SNTG2: variants seen among roughly 807,000 people sequenced by gnomAD.
The protein encoded by SNTG2 is gamma-2-syntrophin.
Under a neutral mutation model 70.9 loss-of-function variants are expected in SNTG2, and 74 were observed. The observed-to-expected ratio is 1.04, with a 90% CI of 0.86 to 1.27. The LOEUF (loss-of-function observed/expected upper bound fraction) is 1.27, where lower values mean the gene tolerates loss of function less well. SNTG2 is among the 50% of genes most tolerant of loss of function. The probability of loss-of-function intolerance (pLI) is 0.00; values close to 1 mark genes in which losing one functional copy is unlikely to be tolerated. For synonymous variants in SNTG2, 278 were observed against 273.8 expected (o/e 1.02, Z -0.15); for missense variants, 717 against 690.7 (o/e 1.04, Z -0.43).
Position 1,245,904 on chromosome 2 carries a change from C to T in SNTG2, c.889-1423C>T, listed in dbSNP as rs184678773. Among the ~76,000 whole-genome samples the T allele has an allele frequency of 5.9e-5, 9 of 152,208 alleles. No individual in the cohort carries two copies. The East Asian group carries it at 1.5e-3, about 26-fold the overall frequency. On this transcript the variant is annotated intron_variant, in intron 11 of 16. Transcript: ENST00000308624. ...TAATTCTCACGTGAGATCTAGAATT[C>T]TACCCGTTTCATGATGGAAAAAGAG...
intron 1 of SNTG2, among the ~76,000 whole-genome samples, chr2:1,011,972 A>T (rs1558309405): frequency 6.6e-6 from 1 of 152,258 alleles, no homozygotes; most frequent in South Asian, 2.1e-4. Context: ...GAAACCGAAT[A>T]TAGACAAAGA....
chr2:1,301,992 C>T (rs1170948717), intron 14 of SNTG2, among the ~76,000 whole-genome samples: 6 of 151,460 alleles, frequency 4.0e-5, no homozygotes, highest in Middle Eastern at 3.4e-3. Flanking sequence ...GACAGAGTCT[C>T]GCTCTGTCAC....
chr2:1,271,705 G>T (rs1423061283), intron 14 of SNTG2, among the ~76,000 whole-genome samples: 3 of 152,092 alleles, frequency 2.0e-5, no homozygotes, highest in Non-Finnish European at 4.4e-5. Flanking sequence ...CATTCATGTC[G>T]GTGTTCAGGG....
rs751511899 is a variant in SNTG2, at chr2:1,316,381, C to T, written c.1488+6C>T. The T allele has an allele frequency of 4.2e-5, 60 of 1,423,298 alleles. No homozygotes were observed. The highest frequency in any genetic ancestry group is 3.7e-4 in the East Asian group (15 of 40,302). The allele number at this position is 1,423,298 out of a possible 1,614,324, so 88.2% of individuals were successfully genotyped here. A position where few individuals can be genotyped will look rare whatever the true frequency, so the allele number is the denominator to read the frequency against. ...CCAAACAGATTGAGACGAAGGTATG[C>T]GGCATGGGGCATGGGTTATTCTGCC... On this transcript the variant is annotated splice_donor_region_variant and intron_variant, in intron 16 of 16. Coordinates refer to ENST00000308624, the MANE Select transcript of SNTG2 (RefSeq NM_018968.4).
chr2:1,143,571 C>T (rs556384261), intron 6 of SNTG2, among the ~76,000 whole-genome samples: 1 of 151,592 alleles, frequency 6.6e-6, no homozygotes, highest in East Asian at 2.0e-4. Flanking sequence ...AGTCTGCCGT[C>T]GAAAATATGA....
chr2:981,521 CAT>C (rs1162835768), intron 1 of SNTG2, among the ~76,000 whole-genome samples: 1 of 152,056 alleles, frequency 6.6e-6, no homozygotes, highest in African/African-American at 2.4e-5. Flanking sequence ...AGCACTCACA[CAT>C]GTTCCAAACT....
At chr2:957,118 G>A (rs1407744614) in intron 1 of SNTG2, among the ~76,000 whole-genome samples, 1 of 152,160 alleles carries the variant, frequency 6.6e-6, no homozygotes, top group East Asian at 1.9e-4. Flanking sequence ...TAAACCTGGG[G>A]ACATCCAGAA....
At chr2:1,209,843 C>A (rs1330265433) in intron 9 of SNTG2, among the ~76,000 whole-genome samples, 1 of 152,088 alleles carries the variant, frequency 6.6e-6, no homozygotes, top group East Asian at 1.9e-4. Context: ...GTTCTTTAGA[C>A]AGATGTGTAG....
chr2:1,239,648 G>T, intron 10 of SNTG2, 90 bp from the exon 11 acceptor site: 1 of 1,372,882 alleles, frequency 7.3e-7, no homozygotes, highest in East Asian at 2.4e-5. Flanking sequence ...TCCCAGGACA[G>T]AGCGTGGCTG....
rs991888499 is a variant in SNTG2 at position 1,307,962 on chromosome 2, C to G, written c.1285-532C>G. Among the ~76,000 whole-genome samples, 5 of 152,326 alleles carry G rather than the reference C, an allele frequency of 3.3e-5. No individual in the cohort carries two copies. The East Asian group carries it at 9.7e-4, about 29-fold the overall frequency. ...CTGCAGACCTTCTCGCACCGTGTGA[C>G]CGATGTAGTTTTTGTTTGTTTTTGG... On this transcript the variant is annotated intron_variant, in intron 14 of 16. Coordinates refer to ENST00000308624, the MANE Select transcript of SNTG2 (RefSeq NM_018968.4).
At chr2:1,332,337 C>A (rs1417015575) in intron 16 of SNTG2, among the ~76,000 whole-genome samples, 1 of 152,124 alleles carries the variant, frequency 6.6e-6, no homozygotes, top group Non-Finnish European at 1.5e-5. Flanking sequence ...CACCTTAATT[C>A]TATCAGACAT....
chr2:1,361,867 G>A (rs1661177270), intron 16 of SNTG2, among the ~76,000 whole-genome samples: 2 of 106,748 alleles, frequency 1.9e-5, no homozygotes, highest in Non-Finnish European at 4.2e-5. Context: ...GAACTTCCAT[G>A]AAAGTCACCA....
intron 1 of SNTG2, among the ~76,000 whole-genome samples, chr2:1,037,357 C>T (rs1439484890): frequency 6.6e-6 from 1 of 152,240 alleles, no homozygotes; most frequent in East Asian, 1.9e-4. Flanking sequence ...GCTGCCATAG[C>T]CCTGGCCCAC....
intron 9 of SNTG2, among the ~76,000 whole-genome samples, chr2:1,223,374 TGAATC>T (rs1431208345): frequency 4.2e-5 from 6 of 142,318 alleles, no homozygotes; most frequent in African/African-American, 1.5e-4. Context: ...GTGGAGGTGC[TGAATC>T]GCTGTAGAGG....
rs959583544 is a variant in SNTG2 at position 1,353,638 on chromosome 2, C to T, written c.1489-13705C>T. ...TCAGATTGCTGTGGCCCAGTGGAAA[C>T]GGTTCTCTTCAATGCTGATTGACTT... On this transcript the variant is annotated intron_variant, in intron 16 of 16. Coordinates refer to ENST00000308624, the MANE Select transcript of SNTG2 (RefSeq NM_018968.4). The surrounding 1 kb of genome is among the most constrained non-coding windows in gnomAD (Gnocchi z 4.2). The T allele has an allele frequency of 3.9e-5, 6 of 152,160 alleles. No homozygotes were observed. In the East Asian group the frequency reaches 1.2e-3, roughly 29 times the overall value. 9.4% of individuals were successfully genotyped at this position (152,160 alleles called of 1,614,324 possible). A position where few individuals can be genotyped will look rare whatever the true frequency, so the allele number is the denominator to read the frequency against.
At chr2:1,188,656 CAACTT>C (rs60744441) in intron 8 of SNTG2, among the ~76,000 whole-genome samples, 29,535 of 151,834 alleles carry the variant, frequency 0.19, 3,213 homozygotes, top group African/African-American at 0.32. Flanking sequence ...TGAAAAATGT[CAACTT>C]AAATAGCTAC....
intron 4 of SNTG2, among the ~76,000 whole-genome samples, chr2:1,136,394 G>A (rs1233399512): frequency 3.3e-5 from 5 of 151,774 alleles, no homozygotes; most frequent in South Asian, 2.1e-4. Flanking sequence ...GCGCAGGGGA[G>A]AAGAGCTGCC....
At chr2:1,154,140 G>T (rs998883205) in intron 6 of SNTG2, among the ~76,000 whole-genome samples, 2 of 152,190 alleles carry the variant, frequency 1.3e-5, no homozygotes, top group African/African-American at 4.8e-5. Context: ...GAAGCTTGAT[G>T]GGAGCACAGG....
At chr2:1,329,445 G>T (rs1217771995) in intron 16 of SNTG2, among the ~76,000 whole-genome samples, 1 of 152,126 alleles carries the variant, frequency 6.6e-6, no homozygotes, top group Non-Finnish European at 1.5e-5. Context: ...GCCTTTTCAA[G>T]ATCCAGACAC....
Sources: gnomAD v4.1 joint callset for allele counts (sites outside exome capture counted in the v4.1 genomes callset) on GRCh38, gnomAD v4.1.1 for gene constraint, Gnocchi (gnomAD v3.1) non-coding constraint, MANE v1.5 for transcripts, NCBI Gene and HGNC (gene_info 2026-07-23, HGNC 2026-07-21) for gene names.